Variants in SIM2 observed in about 807,000 individuals in gnomAD.
The protein encoded by SIM2 is SIM bHLH transcription factor 2.
In SIM2, 28 loss-of-function variants were observed where a neutral mutation model predicts 64.8. That is an observed-to-expected ratio of 0.43 (90% confidence interval 0.32 to 0.59). The LOEUF (loss-of-function observed/expected upper bound fraction) is 0.59, where lower values mean the gene tolerates loss of function less well. SIM2 is among the 20% of genes least tolerant of loss of function. The pLI, the probability that SIM2 is intolerant of heterozygous loss-of-function variation, is 0.07. For synonymous variants in SIM2, 408 were observed against 391.1 expected, an observed-to-expected ratio of 1.04 and a Z score of -0.51; for missense variants, 847 against 871.4, an observed-to-expected ratio of 0.97 and a Z score of 0.35.
intron 3 of SIM2, among the ~76,000 whole-genome samples, chr21:36,714,680 G>A (rs1272264184): frequency 1.3e-5 from 2 of 152,198 alleles, no homozygotes; most frequent in Non-Finnish European, 2.9e-5. Flanking sequence ...GGCCCATCAG[G>A]AGGTACTGTG....
At position 36,741,737 on chromosome 21, in the gene SIM2, AC is replaced by A; in HGVS notation, c.873del (p.Thr292ProfsTer35). On this transcript the variant is annotated frameshift_variant, in exon 8 of 11. Coordinates refer to ENST00000290399, the MANE Select transcript of SIM2 (RefSeq NM_005069.6). LOFTEE classifies it high-confidence loss of function. ...HHLLLVKGQVTTKYYRLLSKR... is the reference protein window; with the variant it reads ...HHLLLVKGQVXTKYYRLLSKR... ...TGCAGTGTTGGTGAAGGGCCAGGTC[AC>A]CACCAAGTACTACCGGCTGCTGTCC... The A allele has an allele frequency of 1.2e-6, 2 of 1,613,372 alleles. No homozygotes were observed. The highest frequency in any genetic ancestry group is 1.7e-6 in the Non-Finnish European group (2 of 1,179,984).
chr21:36,712,445 A>G (rs1736956249), intron 2 of SIM2, 88 bp from the exon 3 acceptor site: 5 of 874,706 alleles, frequency 5.7e-6, no homozygotes, highest in Admixed American at 2.1e-5. Context: ...TATTTGATGC[A>G]TCCCTCCATC....
chr21:36,741,135 T>A (rs1312145857), intron 7 of SIM2, among the ~76,000 whole-genome samples: 1 of 152,224 alleles, frequency 6.6e-6, no homozygotes, highest in Non-Finnish European at 1.5e-5. Flanking sequence ...AGTAGAGGTC[T>A]TTCCTACATA....
At chr21:36,737,517 G>A (rs1230621818) in intron 7 of SIM2, among the ~76,000 whole-genome samples, 1 of 152,248 alleles carries the variant, frequency 6.6e-6, no homozygotes, top group Non-Finnish European at 1.5e-5. Context: ...ATCAGTGTCA[G>A]TAAACCTGAC....
Position 36,748,027 on chromosome 21 carries a change from T to C in SIM2, c.1939T>C (p.Ser647Pro). 8.5e-7 allele frequency: 1 copy of C among 1,178,848 alleles called. No homozygotes were observed. Among genetic ancestry groups the C allele is most frequent in the Non-Finnish European group, 1.0e-6 (1 of 955,242 alleles). The allele number at this position is 1,178,848 out of a possible 1,614,324, so 73.0% of individuals were successfully genotyped here. A position where few individuals can be genotyped will look rare whatever the true frequency, so the allele number is the denominator to read the frequency against. Residue 647 changes from serine to proline, a missense_variant, in exon 11 of 11, where the codon TCC (serine) becomes CCC (proline). By Grantham distance (74) the Ser-to-Pro change is moderately conservative. This residue lies in a region of SIM2 where 447 missense variants were observed against 414.6 expected (regional missense o/e 1.08). Transcript: ENST00000290399. ...RLRHPSPAAT[S>P]PPGAPLPHYL... The stretch of plus-strand genomic sequence containing the variant: ...CCGGCACCCGAGCCCCGCCGCCACC[T>C]CCCCGCCCGGCGCGCCCCTGCCGCA...
At chr21:36,719,964 A>T in intron 4 of SIM2, 35 bp downstream of exon 4, 1 of 1,375,784 alleles carries the variant, frequency 7.3e-7, no homozygotes, top group East Asian at 2.3e-5. Flanking sequence ...AAAACAGACT[A>T]AAAGCAAGGC....
At chr21:36,734,071 G>A (rs910220036) in intron 7 of SIM2, among the ~76,000 whole-genome samples, 13 of 152,188 alleles carry the variant, frequency 8.5e-5, no homozygotes, top group Admixed American at 6.5e-5. Context: ...GGGCAGCAGT[G>A]GAGCTGGGGC....
At chr21:36,704,496 A>T (rs1490059582) in intron 1 of SIM2, among the ~76,000 whole-genome samples, 1 of 152,234 alleles carries the variant, frequency 6.6e-6, no homozygotes, top group Admixed American at 6.5e-5. Context: ...GGGAAGTGGT[A>T]AAGGGGACAC....
intron 1 of SIM2, among the ~76,000 whole-genome samples, chr21:36,708,072 C>T (rs955782573): frequency 6.6e-6 from 1 of 151,762 alleles, no homozygotes; most frequent in Non-Finnish European, 1.5e-5. Context: ...CGGGAGACGC[C>T]GGGCGCGTTG....
intron 3 of SIM2, among the ~76,000 whole-genome samples, chr21:36,717,517 G>A (rs1034354822): frequency 2.7e-5 from 4 of 148,068 alleles, no homozygotes; most frequent in Non-Finnish European, 4.4e-5. Context: ...GTGCGATGTC[G>A]GCTTACTGCA....
In SIM2 at chr21:36,747,840, G is replaced by C; in HGVS notation, c.1752G>C (p.Pro584=). ...CGGCACCCGAGTGCTGCGCGCCCCC[G>C]ACCCCCGAGGCCCCGGGCGCGCCGG... ...ARAAPECCAP[P]TPEAPGAPAQ... The change falls in exon 11 of 11, where the codon CCG becomes CCC. Residue 584 remains proline, a synonymous_variant. Coordinates refer to ENST00000290399, the MANE Select transcript of SIM2 (RefSeq NM_005069.6). The surrounding 1 kb of genome is among the most constrained non-coding windows in gnomAD (Gnocchi z 4.5). The C allele has an allele frequency of 9.7e-7, 1 of 1,036,200 alleles. No individual in the cohort carries two copies. Among genetic ancestry groups the C allele is most frequent in the Non-Finnish European group, 1.2e-6 (1 of 863,228 alleles). 64.2% of individuals were successfully genotyped at this position (1,036,200 alleles called of 1,614,324 possible).
chr21:36,747,040 A>G lies in SIM2; in HGVS notation c.1577-625A>G, dbSNP rs1183759633. 6.6e-6 allele frequency among the ~76,000 whole-genome samples: 1 copy of G among 152,186 alleles called. No individual in the cohort carries two copies. Among genetic ancestry groups the G allele is most frequent in the Non-Finnish European group, 1.5e-5 (1 of 68,030 alleles). On this transcript the variant is annotated intron_variant, in intron 10 of 10. Transcript: ENST00000290399. This position sits in a 1 kb window ranked among gnomAD's most constrained non-coding sequence, Gnocchi z 4.5. ...TATAGTGTTTAAAAACAAACAAACA[A>G]ACAAAGACAAAAAAAACCCACAAGC...
intron 1 of SIM2, 61 bp from the exon 2 acceptor site, chr21:36,709,107 C>A: frequency 2.1e-6 from 3 of 1,454,416 alleles, no homozygotes; most frequent in Non-Finnish European, 2.8e-6. Context: ...GTGACCTGCC[C>A]GGCTCCCAGG....
intron 6 of SIM2, among the ~76,000 whole-genome samples, chr21:36,730,418 C>T (rs74715410): frequency 0.011 from 1,655 of 152,234 alleles, 31 homozygotes; most frequent in African/African-American, 0.036. Context: ...TGAACTTTCT[C>T]GAAGAGAAAA....
At chr21:36,739,197 C>T (rs2089121403) in intron 7 of SIM2, among the ~76,000 whole-genome samples, 1 of 152,208 alleles carries the variant, frequency 6.6e-6, no homozygotes, top group Non-Finnish European at 1.5e-5. Flanking sequence ...CTGTGTCTGC[C>T]AGTGTTCTAA....
Position 36,745,423 on chromosome 21 carries a change from C to A in SIM2, c.1576+287C>A. 7.7e-7 allele frequency: 1 copy of A among 1,300,794 alleles called. No homozygotes were observed. The allele number at this position is 1,300,794 out of a possible 1,614,324, so 80.6% of individuals were successfully genotyped here. On this transcript the variant is annotated intron_variant, in intron 10 of 10. Transcript: ENST00000290399. The surrounding 1 kb of genome is among the most constrained non-coding windows in gnomAD (Gnocchi z 4.8). ...CGTAAATCCTGGCCACATTCACCAACCAAAGGGGGACAGTGATTTTCAAAA... is the reference window on the plus strand; with the variant it reads ...CGTAAATCCTGGCCACATTCACCAAACAAAGGGGGACAGTGATTTTCAAAA...
chr21:36,702,907 A>G (rs924104939), intron 1 of SIM2, among the ~76,000 whole-genome samples: 2 of 148,012 alleles, frequency 1.4e-5, no homozygotes, highest in Admixed American at 1.4e-4. Flanking sequence ...GCTGGGGTAA[A>G]GAATCTAGAG....
At chr21:36,721,458 G>A (rs2088821455) in intron 4 of SIM2, among the ~76,000 whole-genome samples, 1 of 152,128 alleles carries the variant, frequency 6.6e-6, no homozygotes, top group South Asian at 2.1e-4. Context: ...GTTTTTTGGA[G>A]TTGGAGTTTC....
chr21:36,738,990 G>A (rs2089116978), intron 7 of SIM2, among the ~76,000 whole-genome samples: 1 of 152,172 alleles, frequency 6.6e-6, no homozygotes, highest in African/African-American at 2.4e-5. Context: ...ACGGGGTGGT[G>A]GGGCTTGATG....
Sources: gnomAD v4.1 joint callset for allele counts (sites outside exome capture counted in the v4.1 genomes callset) on GRCh38, gnomAD v4.1.1 for gene constraint, gnomAD v4.1.1 regional missense constraint, Gnocchi (gnomAD v3.1) non-coding constraint, MANE v1.5 for transcripts, NCBI Gene and HGNC (gene_info 2026-07-23, HGNC 2026-07-21) for gene names.